Variants in WDFY1 observed in about 807,000 individuals in gnomAD.
WDFY1 encodes the protein WD repeat and FYVE domain containing 1.
A neutral mutation model predicts 56.4 loss-of-function variants in WDFY1; 32 were observed. The ratio of observed to expected loss-of-function variants is 0.57; its 90% confidence interval spans 0.43 to 0.76. The LOEUF (loss-of-function observed/expected upper bound fraction) is 0.76. Among genes scored for constraint, WDFY1 ranks in the 30% least tolerant of loss-of-function variants. The pLI, the probability that WDFY1 is intolerant of heterozygous loss-of-function variation, is 0.00. For missense variants in WDFY1, 480 were observed against 545.7 expected (o/e 0.88, Z 1.20); for synonymous variants, 192 against 197.3 (o/e 0.97, Z 0.23).
chr2:223,896,174 A>C (rs1019607676), intron 6 of WDFY1, among the ~76,000 whole-genome samples: 3 of 148,072 alleles, frequency 2.0e-5, no homozygotes, highest in South Asian at 2.1e-4. Context: ...AAAAAAAAAA[A>C]AAAAAAAAAC....
chr2:223,896,343 T>TAA (rs11431410), intron 6 of WDFY1, among the ~76,000 whole-genome samples: 1 of 151,704 alleles, frequency 6.6e-6, no homozygotes, highest in East Asian at 1.9e-4. Flanking sequence ...CTACACAAGA[T>TAA]AAAAAATCTA....
chr2:223,896,064 G>C (rs1162394651), intron 6 of WDFY1, among the ~76,000 whole-genome samples: 1 of 147,478 alleles, frequency 6.8e-6, no homozygotes, highest in Non-Finnish European at 1.5e-5. Flanking sequence ...GCTAAGGTGG[G>C]AGAATTGCTT....
At chr2:223,942,184 A>C (rs1352762474) in intron 1 of WDFY1, among the ~76,000 whole-genome samples, 1 of 152,070 alleles carries the variant, frequency 6.6e-6, no homozygotes, top group Non-Finnish European at 1.5e-5. Context: ...AAAACGCATG[A>C]TTCATGAATA....
At chr2:223,933,783 C>G (rs560546554) in intron 1 of WDFY1, among the ~76,000 whole-genome samples, 7 of 116,610 alleles carry the variant, frequency 6.0e-5, no homozygotes, top group African/African-American at 1.2e-4. Flanking sequence ...ATAGTGAGAC[C>G]CCCCCCCATC....
chr2:223,940,234 G>A (rs542160364), intron 1 of WDFY1, among the ~76,000 whole-genome samples: 89 of 152,246 alleles, frequency 5.8e-4, no homozygotes, highest in Middle Eastern at 3.4e-3. Context: ...CAGGAGAATC[G>A]CTTGAACCTG....
chr2:223,932,609 C>A (rs535422338), intron 1 of WDFY1, among the ~76,000 whole-genome samples: 1 of 152,152 alleles, frequency 6.6e-6, no homozygotes, highest in African/African-American at 2.4e-5. Flanking sequence ...AGCAATTTAA[C>A]CATCCTTAAA....
chr2:223,939,649 T>C (rs1054823776), intron 1 of WDFY1, among the ~76,000 whole-genome samples: 11 of 152,268 alleles, frequency 7.2e-5, no homozygotes, highest in African/African-American at 2.4e-4. Context: ...TGTAAAACCA[T>C]CAGATCTCCT....
At chr2:223,903,834 GTCTC>G (rs893298251) in intron 4 of WDFY1, among the ~76,000 whole-genome samples, 1 of 151,770 alleles carries the variant, frequency 6.6e-6, no homozygotes, top group Non-Finnish European at 1.5e-5. Flanking sequence ...TAGCAGTATG[GTCTC>G]TCTATGTTGC....
At chr2:223,879,130 T>G (rs1693022070) in intron 11 of WDFY1, among the ~76,000 whole-genome samples, 1 of 152,222 alleles carries the variant, frequency 6.6e-6, no homozygotes, top group African/African-American at 2.4e-5. Context: ...GAGGTTGCAC[T>G]GAACCGAGGT....
chr2:223,897,981 G>A (rs1404443954), intron 6 of WDFY1, among the ~76,000 whole-genome samples: 6 of 152,112 alleles, frequency 3.9e-5, no homozygotes, highest in Non-Finnish European at 8.8e-5. Context: ...GTAGATCCAC[G>A]AACCAATTAA....
intron 4 of WDFY1, among the ~76,000 whole-genome samples, chr2:223,905,246 T>C (rs1693577003): frequency 6.6e-6 from 1 of 152,160 alleles, no homozygotes; most frequent in South Asian, 2.1e-4. Flanking sequence ...GCAAAATAAA[T>C]CTAGGGCACT....
At chr2:223,894,128 G>C (rs1693322097) in intron 8 of WDFY1, 106 bp downstream of exon 8, 3 of 1,082,260 alleles carry the variant, frequency 2.8e-6, no homozygotes, top group Non-Finnish European at 2.7e-6. Flanking sequence ...AGCTGGGACT[G>C]TCTGCACCTG....
chr2:223,940,720 G>A (rs1009731644), intron 1 of WDFY1, among the ~76,000 whole-genome samples: 2 of 150,018 alleles, frequency 1.3e-5, no homozygotes, highest in African/African-American at 4.9e-5. Context: ...TCAGCTCACT[G>A]CAACCTCCGC....
chr2:223,922,391 C>T (rs1348272743), intron 1 of WDFY1, among the ~76,000 whole-genome samples: 1 of 152,172 alleles, frequency 6.6e-6, no homozygotes, highest in African/African-American at 2.4e-5. Context: ...GGGGATGAAG[C>T]CAAAACCATT....
chr2:223,908,792 A>G (rs1362990471), intron 3 of WDFY1, among the ~76,000 whole-genome samples: 5 of 152,082 alleles, frequency 3.3e-5, no homozygotes, highest in African/African-American at 1.2e-4. Flanking sequence ...CCTTTCCCCA[A>G]AAAAGATCAG....
chr2:223,900,794 A>G (rs616963), intron 5 of WDFY1: 149,871 of 160,830 alleles, frequency 0.93, 69,915 homozygotes, highest in South Asian at 0.97. Flanking sequence ...TCCTTCCTTC[A>G]CACAATAAAA....
At chr2:223,931,687 T>TTTC (rs199991674) in intron 1 of WDFY1, among the ~76,000 whole-genome samples, 40 of 34,782 alleles carry the variant, frequency 1.2e-3, no homozygotes, top group Non-Finnish European at 2.6e-3. Flanking sequence ...TTTTTCTTTC[T>TTTC]TTTTTTTTTT....
intron 4 of WDFY1, among the ~76,000 whole-genome samples, chr2:223,904,686 C>T (rs954583347): frequency 1.4e-4 from 21 of 152,196 alleles, no homozygotes; most frequent in African/African-American, 5.1e-4. Context: ...AACATCTACA[C>T]TCTAATTTTT....
At chr2:223,878,791 T>C in intron 11 of WDFY1, 61 bp from the exon 12 acceptor site, 2 of 1,527,678 alleles carry the variant, frequency 1.3e-6, no homozygotes, top group Non-Finnish European at 1.8e-6. Context: ...ACGGCAAGAG[T>C]CAACACAGAC....
Sources: allele counts gnomAD v4.1 joint callset (sites outside exome capture counted in the v4.1 genomes callset), GRCh38; gene constraint gnomAD v4.1.1; transcripts MANE v1.5; gene names NCBI Gene and HGNC (gene_info 2026-07-23, HGNC 2026-07-21).